Variants in MTCL2 observed in about 807,000 individuals in gnomAD.
The protein encoded by MTCL2 is microtubule crosslinking factor 2, also known as microtubule cross-linking factor 2.
chr20:36,805,893 T>A, the MTCL2 span: 1 of 1,613,694 alleles, frequency 6.2e-7, no homozygotes, highest in Non-Finnish European at 8.5e-7. Context: ...GGCCTTGTTA[T>A]CAGAATGCTG....
chr20:36,863,408 C>G, the MTCL2 span: 2 of 1,113,366 alleles, frequency 1.8e-6, no homozygotes, highest in East Asian at 4.5e-5. The surrounding 1 kb of genome is among the most constrained non-coding windows in gnomAD (Gnocchi z 6.2). Context: ...CTCGACGTCC[C>G]TGGGGAGGGA....
At chr20:36,832,874 G>A in the MTCL2 span, among the ~76,000 whole-genome samples, 42 of 152,240 alleles carry the variant, frequency 2.8e-4, no homozygotes, top group Middle Eastern at 3.4e-3. Context: ...ACAACTCCAG[G>A]CAGCCAGACT....
At chr20:36,802,957 G>A in the MTCL2 span, 88 of 1,581,640 alleles carry the variant, frequency 5.6e-5, no homozygotes, top group Non-Finnish European at 6.9e-5. Context: ...CTCCAGTTGC[G>A]CTCACTGATC....
chr20:36,827,061 T>TA, the MTCL2 span, among the ~76,000 whole-genome samples: 2 of 151,340 alleles, frequency 1.3e-5, no homozygotes, highest in Non-Finnish European at 2.9e-5. Flanking sequence ...TTTATTTATT[T>TA]GAGATGGAGT....
the MTCL2 span, among the ~76,000 whole-genome samples, chr20:36,848,546 A>AC: frequency 2.5e-4 from 38 of 151,968 alleles, no homozygotes; most frequent in Admixed American, 2.5e-3. Flanking sequence ...TCCTCACTGA[A>AC]CCCCCCACTC....
the MTCL2 span, chr20:36,794,806 T>A: frequency 3.1e-6 from 2 of 636,196 alleles, no homozygotes; most frequent in African/African-American, 3.7e-5. This position sits in a 1 kb window ranked among gnomAD's most constrained non-coding sequence, Gnocchi z 5.4. Context: ...TCTTGATATG[T>A]CACCCAGGCT....
the MTCL2 span, among the ~76,000 whole-genome samples, chr20:36,807,323 G>A: frequency 6.6e-5 from 10 of 152,158 alleles, no homozygotes; most frequent in South Asian, 2.1e-4. Flanking sequence ...CCCTGATGGC[G>A]TAAGTGGCAA....
the MTCL2 span, among the ~76,000 whole-genome samples, chr20:36,795,396 T>C: frequency 6.6e-6 from 1 of 152,182 alleles, no homozygotes; most frequent in Non-Finnish European, 1.5e-5. Flanking sequence ...GGCCTCTCTT[T>C]GCACTTTCAC....
chr20:36,862,850 G>T, the MTCL2 span: 1 of 1,252,082 alleles, frequency 8.0e-7, no homozygotes, highest in Non-Finnish European at 1.0e-6. Context: ...GCTGCTGCGC[G>T]GAGGGCGCGG....
the MTCL2 span, chr20:36,802,795 A>C: frequency 6.5e-7 from 1 of 1,529,676 alleles, no homozygotes; most frequent in Non-Finnish European, 8.8e-7. Context: ...CCTGCTTCTG[A>C]ATCATTTCTG....
At chr20:36,808,153 G>C in the MTCL2 span, among the ~76,000 whole-genome samples, 1 of 151,164 alleles carries the variant, frequency 6.6e-6, no homozygotes, top group African/African-American at 2.4e-5. Flanking sequence ...GGGATTACAG[G>C]TGTGAGCCAC....
At chr20:36,837,547 CATTATTATTATTATTATTATTATT>C in the MTCL2 span, among the ~76,000 whole-genome samples, 3 of 125,278 alleles carry the variant, frequency 2.4e-5, no homozygotes, top group Admixed American at 7.8e-5. Flanking sequence ...ATTTTACCCA[CATTATTATTATTATTATTATTATT>C]ATTATTATTA....
the MTCL2 span, chr20:36,782,059 CT>C: frequency 2.0e-5 from 3 of 152,274 alleles, no homozygotes; most frequent in Non-Finnish European, 4.4e-5. Context: ...GCTCGAACTC[CT>C]GAGCTCAAGT....
chr20:36,813,313 T>TAAA, the MTCL2 span, among the ~76,000 whole-genome samples: 1,436 of 41,892 alleles, frequency 0.034, 461 homozygotes, highest in African/African-American at 0.18. Context: ...ACTGTTTCTT[T>TAAA]AAAAAAAAAA....
At chr20:36,852,890 C>G in the MTCL2 span, among the ~76,000 whole-genome samples, 6 of 152,044 alleles carry the variant, frequency 3.9e-5, no homozygotes, top group East Asian at 1.2e-3. Flanking sequence ...AACCCCGTCT[C>G]TACTAAAAAT....
the MTCL2 span, among the ~76,000 whole-genome samples, chr20:36,790,915 G>C: frequency 6.6e-6 from 1 of 152,044 alleles, no homozygotes; most frequent in Non-Finnish European, 1.5e-5. Context: ...TTAAATGTCA[G>C]CCAGCTGAGT....
At chr20:36,838,271 C>T in the MTCL2 span, among the ~76,000 whole-genome samples, 4 of 152,162 alleles carry the variant, frequency 2.6e-5, no homozygotes, top group Admixed American at 6.5e-5. Flanking sequence ...AGGATGGTCT[C>T]GAGGCCTTCA....
the MTCL2 span, among the ~76,000 whole-genome samples, chr20:36,802,217 C>A: frequency 4.6e-5 from 7 of 152,052 alleles, no homozygotes; most frequent in African/African-American, 1.7e-4. Flanking sequence ...ACCTGGGAGG[C>A]GGAGGCTGCA....
the MTCL2 span, among the ~76,000 whole-genome samples, chr20:36,806,527 A>AT: frequency 0.013 from 1,996 of 149,514 alleles, 50 homozygotes; most frequent in African/African-American, 0.047. Flanking sequence ...GTGTCTCTTT[A>AT]TTTTTTTTTT....
Sources: gnomAD v4.1 joint callset for allele counts (sites outside exome capture counted in the v4.1 genomes callset) on GRCh38, gnomAD v4.1.1 for gene constraint, Gnocchi (gnomAD v3.1) non-coding constraint, MANE v1.5 for transcripts, NCBI Gene and HGNC (gene_info 2026-07-23, HGNC 2026-07-21) for gene names.